ADAM20: variants seen among roughly 807,000 people sequenced by gnomAD.
ADAM20 encodes ADAM metallopeptidase domain 20.
For missense variants in ADAM20, 871 were observed against 883.2 expected (o/e 0.99, Z 0.18); for synonymous variants, 305 against 310.2 (o/e 0.98, Z 0.18).
At chr14:70,564,764 T>A in the ADAM20 span, among the ~76,000 whole-genome samples, 5 of 103,620 alleles carry the variant, frequency 4.8e-5, no homozygotes, top group South Asian at 3.0e-4. Context: ...TTTTTTTTTT[T>A]AGCCAGGCAC....
Position 70,523,678 on chromosome 14 carries a change from C to T in ADAM20, c.1080G>A (p.Glu360=), listed in dbSNP as rs780361905. ...AGGCATGCATTATGCACCACTGTAG[C>T]TCGCACACACACCACTGGGTGTCAT... The part of the protein sequence containing the change: ...MQHDTQWCVC[E]LQWCIMHAYR... Residue 360 remains glutamate, a synonymous_variant, in exon 2 of 2, where the codon GAG becomes GAA. Transcript: ENST00000256389. 4 of 1,614,086 alleles carry T rather than the reference C, an allele frequency of 2.5e-6. No homozygotes were observed. In the Admixed American group the frequency reaches 5.0e-5, roughly 20 times the overall value.
At chr14:70,569,675 A>G in the ADAM20 span, among the ~76,000 whole-genome samples, 1 of 152,088 alleles carries the variant, frequency 6.6e-6, no homozygotes, top group Non-Finnish European at 1.5e-5. Flanking sequence ...AAAAAAAGAA[A>G]ATGAAAAAGA....
intron 1 of ADAM20, among the ~76,000 whole-genome samples, chr14:70,531,461 T>C (rs1883709431): frequency 6.6e-6 from 1 of 152,130 alleles, no homozygotes; most frequent in African/African-American, 2.4e-5. Context: ...AAGGCAAGAA[T>C]ATCCATTTTA....
chr14:70,560,972 G>A, the ADAM20 span, among the ~76,000 whole-genome samples: 3 of 152,230 alleles, frequency 2.0e-5, no homozygotes, highest in Non-Finnish European at 4.4e-5. Context: ...GAATGTGGAA[G>A]TGACTTTGGA....
chr14:70,529,852 A>T (rs1883671860), intron 1 of ADAM20, among the ~76,000 whole-genome samples: 1 of 152,212 alleles, frequency 6.6e-6, no homozygotes, highest in African/African-American at 2.4e-5. Context: ...TTTATTTTTA[A>T]AAATTTCTTT....
chr14:70,556,155 T>TC, the ADAM20 span: 1 of 152,294 alleles, frequency 6.6e-6, no homozygotes, highest in Non-Finnish European at 1.5e-5. Flanking sequence ...ACGCTCCTGG[T>TC]CCCTGCCAGC....
At chr14:70,560,199 T>C in the ADAM20 span, among the ~76,000 whole-genome samples, 2 of 152,214 alleles carry the variant, frequency 1.3e-5, no homozygotes, top group Non-Finnish European at 2.9e-5. Context: ...TGTTTGTCAA[T>C]ATTTTAATGG....
At chr14:70,545,079 T>A in the ADAM20 span, among the ~76,000 whole-genome samples, 1 of 152,142 alleles carries the variant, frequency 6.6e-6, no homozygotes, top group Non-Finnish European at 1.5e-5. Context: ...GAAAACACCT[T>A]TAAAAATACA....
At chr14:70,562,865 T>C in the ADAM20 span, among the ~76,000 whole-genome samples, 1 of 152,236 alleles carries the variant, frequency 6.6e-6, no homozygotes, top group Non-Finnish European at 1.5e-5. Flanking sequence ...TAGTTCTTTA[T>C]AGCAGTGTGA....
At chr14:70,544,488 G>C in the ADAM20 span, among the ~76,000 whole-genome samples, 1 of 152,136 alleles carries the variant, frequency 6.6e-6, no homozygotes, top group Admixed American at 6.5e-5. Context: ...TGCTTACATG[G>C]AAATTTCTGG....
intron 1 of ADAM20, among the ~76,000 whole-genome samples, chr14:70,531,568 A>G (rs1192889919): frequency 6.6e-6 from 1 of 152,144 alleles, no homozygotes; most frequent in African/African-American, 2.4e-5. Flanking sequence ...AAGTAAAATG[A>G]TCTATGTTCA....
chr14:70,579,445 A>AT, the ADAM20 span, among the ~76,000 whole-genome samples: 1 of 151,862 alleles, frequency 6.6e-6, no homozygotes. Context: ...AATATTAAGC[A>AT]TTTTTTTCGT....
the ADAM20 span, among the ~76,000 whole-genome samples, chr14:70,565,293 A>G: frequency 6.6e-6 from 1 of 151,982 alleles, no homozygotes; most frequent in Non-Finnish European, 1.5e-5. Context: ...GTACTCCATC[A>G]AACCAATATA....
the ADAM20 span, among the ~76,000 whole-genome samples, chr14:70,546,078 A>C: frequency 2.0e-5 from 3 of 152,256 alleles, no homozygotes; most frequent in Non-Finnish European, 2.9e-5. Context: ...ACATGTGGAA[A>C]TTCGACAATA....
At position 70,524,906 on chromosome 14, in the gene ADAM20, A is replaced by C. The variant is rs1464223462; in HGVS notation, c.-149T>G. Reference sequence around the variant, plus strand: ...ATCTGTGTCCTGGTGGAGCTGGACCATCAGAGCTGCAGTGCTGAAAATAAA... The same window carrying C: ...ATCTGTGTCCTGGTGGAGCTGGACCCTCAGAGCTGCAGTGCTGAAAATAAA... On this transcript the variant is annotated 5_prime_UTR_variant, in exon 2 of 2. The change abolishes an upstream ATG in the 5' untranslated region. Coordinates refer to ENST00000256389, the MANE Select transcript of ADAM20 (RefSeq NM_003814.5). The C allele has an allele frequency of 6.2e-7, 1 of 1,605,752 alleles. No homozygotes were observed. Among genetic ancestry groups the C allele is most frequent in the Non-Finnish European group, 8.5e-7 (1 of 1,176,094 alleles).
intron 1 of ADAM20, among the ~76,000 whole-genome samples, chr14:70,528,918 AC>A (rs1327970274): frequency 6.6e-6 from 1 of 152,100 alleles, no homozygotes; most frequent in African/African-American, 2.4e-5. Flanking sequence ...TAAAAGCAAA[AC>A]AAACTGTTAC....
At chr14:70,574,272 T>C in the ADAM20 span, among the ~76,000 whole-genome samples, 1 of 152,060 alleles carries the variant, frequency 6.6e-6, no homozygotes, top group Non-Finnish European at 1.5e-5. Flanking sequence ...TTGAGACAAA[T>C]GAAAACACGA....
chr14:70,565,767 G>C, the ADAM20 span, among the ~76,000 whole-genome samples: 1 of 152,132 alleles, frequency 6.6e-6, no homozygotes. Context: ...GGTATAATGA[G>C]TAATCTACAG....
In ADAM20 at chr14:70,523,713, C is replaced by G. The variant is rs774194271; in HGVS notation, c.1045G>C (p.Gly349Arg). The G allele has an allele frequency of 6.2e-7, 1 of 1,613,982 alleles. No individual in the cohort carries two copies. Among genetic ancestry groups the G allele is most frequent in the Non-Finnish European group, 8.5e-7 (1 of 1,179,956 alleles). Residue 349 changes from glycine (G) to arginine (R), a missense_variant, in exon 2 of 2, where the codon GGT becomes CGT. Physicochemically the swap from Gly to Arg is moderately radical, Grantham distance 125. Coordinates refer to ENST00000256389, the MANE Select transcript of ADAM20 (RefSeq NM_003814.5). ...TLGHELGHNL[G>R]MQHDTQWCVC... ...CACCACTGGGTGTCATGTTGCATAC[C>G]CAAATTATGACCAAGCTCGTGGCCC...
Sources: allele counts gnomAD v4.1 joint callset (sites outside exome capture counted in the v4.1 genomes callset), GRCh38; gene constraint gnomAD v4.1.1; transcripts MANE v1.5; gene names NCBI Gene and HGNC (gene_info 2026-07-23, HGNC 2026-07-21).